Variants in TENM4 observed in about 807,000 individuals in gnomAD.
TENM4 encodes teneurin transmembrane protein 4, also known as teneurin-4.
TENM4 carries 82 observed loss-of-function variants against 243.3 expected under a neutral mutation model. The observed-to-expected ratio is 0.34, with a 90% CI of 0.28 to 0.40. TENM4 has a LOEUF of 0.40. Ranked by LOEUF, TENM4 falls within the 10% of genes least tolerant of loss-of-function variation. The pLI is 1.00. For synonymous variants in TENM4, 1,412 were observed against 1,456.3 expected (o/e 0.97, Z 0.69); for missense variants, 3,138 against 3,673.3 (o/e 0.85, Z 3.77).
At chr11:79,247,488 C>T (rs1001141818) in intron 2 of TENM4, among the ~76,000 whole-genome samples, 6 of 150,774 alleles carry the variant, frequency 4.0e-5, no homozygotes, top group Non-Finnish European at 5.9e-5. Flanking sequence ...GACCTGGAGG[C>T]GGGGCCTTCC....
chr11:79,316,217 A>T (rs1163945004), intron 1 of TENM4, among the ~76,000 whole-genome samples: 1 of 151,982 alleles, frequency 6.6e-6, no homozygotes, highest in Non-Finnish European at 1.5e-5. Flanking sequence ...AGAATGAAAG[A>T]TATAAAAACA....
intron 18 of TENM4, among the ~76,000 whole-genome samples, chr11:78,762,912 A>C (rs1040051367): frequency 1.3e-5 from 2 of 152,216 alleles, no homozygotes; most frequent in African/African-American, 4.8e-5. Context: ...AGGGACAGAA[A>C]TGTAATTTTT....
At chr11:78,880,002 G>C (rs1859388383) in intron 9 of TENM4, among the ~76,000 whole-genome samples, 1 of 152,144 alleles carries the variant, frequency 6.6e-6, no homozygotes, top group Admixed American at 6.5e-5. Flanking sequence ...TGGCGGTTTT[G>C]TCGAAAAGCA....
intron 10 of TENM4, among the ~76,000 whole-genome samples, chr11:78,859,387 T>A (rs1858760615): frequency 6.6e-6 from 1 of 152,244 alleles, no homozygotes; most frequent in Non-Finnish European, 1.5e-5. Flanking sequence ...AGATTAGGCC[T>A]CACAAGGCAG....
intron 4 of TENM4, among the ~76,000 whole-genome samples, chr11:79,099,031 C>T (rs558830242): frequency 6.6e-5 from 10 of 152,156 alleles, no homozygotes; most frequent in Admixed American, 3.3e-4. Context: ...AATAAATATA[C>T]GCATTTTTTT....
intron 28 of TENM4, among the ~76,000 whole-genome samples, chr11:78,697,863 T>G (rs1461867638): frequency 6.6e-6 from 1 of 152,170 alleles, no homozygotes; most frequent in African/African-American, 2.4e-5. Flanking sequence ...GAGGCCATTT[T>G]CTCAGCCACC....
At chr11:79,319,868 T>C (rs1856859180) in intron 1 of TENM4, among the ~76,000 whole-genome samples, 1 of 152,136 alleles carries the variant, frequency 6.6e-6, no homozygotes, top group African/African-American at 2.4e-5. Flanking sequence ...TGAAGCTCCA[T>C]CCCTAGTCCC....
Position 79,185,566 on chromosome 11 carries a change from G to A in TENM4, c.-163+30242C>T, listed in dbSNP as rs186454584. The stretch of plus-strand genomic sequence containing the variant: ...GCCATTTGACTCTTGGTGCCAGGAG[G>A]AGACAATCAATGTGGAATTTTCCAC... On this transcript the variant is annotated intron_variant, in intron 3 of 33. Transcript: ENST00000278550. Among the ~76,000 whole-genome samples, 680 of 152,222 alleles carry A rather than the reference G, an allele frequency of 4.5e-3. 4 individuals are homozygous for A. Among genetic ancestry groups the A allele is most frequent in the Non-Finnish European group, 4.0e-3 (269 of 68,016 alleles).
chr11:78,949,767 C>T (rs1049101146), intron 6 of TENM4, among the ~76,000 whole-genome samples: 11 of 152,138 alleles, frequency 7.2e-5, no homozygotes, highest in Admixed American at 1.3e-4. Flanking sequence ...AAAGGAACAG[C>T]TGGGAAAAAC....
intron 1 of TENM4, among the ~76,000 whole-genome samples, chr11:79,358,917 T>C (rs914794544): frequency 1.3e-5 from 2 of 151,402 alleles, no homozygotes; most frequent in African/African-American, 4.9e-5. Flanking sequence ...TTTTTTATTA[T>C]ATTTTTGCAA....
At chr11:78,719,837 T>C (rs1363806928) in intron 25 of TENM4, among the ~76,000 whole-genome samples, 1 of 152,196 alleles carries the variant, frequency 6.6e-6, no homozygotes, top group African/African-American at 2.4e-5. Context: ...AAAGTTCCTA[T>C]TTGGGGATTG....
chr11:79,263,121 C>T (rs991473070), intron 2 of TENM4, among the ~76,000 whole-genome samples: 1 of 152,190 alleles, frequency 6.6e-6, no homozygotes, highest in Non-Finnish European at 1.5e-5. Flanking sequence ...CTATCAGGAA[C>T]CCAATGCATG....
chr11:79,084,142 G>T (rs1475211817), intron 4 of TENM4, among the ~76,000 whole-genome samples: 1 of 152,164 alleles, frequency 6.6e-6, no homozygotes, highest in Admixed American at 6.5e-5. Context: ...AGCCATCAGA[G>T]AAATTCAAAT....
At chr11:78,817,813 G>A (rs1857640712) in intron 12 of TENM4, among the ~76,000 whole-genome samples, 1 of 152,172 alleles carries the variant, frequency 6.6e-6, no homozygotes, top group Admixed American at 6.5e-5. Context: ...CCTTGGCCAT[G>A]TCACATGATC....
rs916943736 is a variant in TENM4, at chr11:78,656,910, T to C, written c.*1148A>G. 2 of 397,646 alleles carry C rather than the reference T, an allele frequency of 5.0e-6. No individual in the cohort carries two copies. The highest frequency in any genetic ancestry group is 8.9e-6 in the Non-Finnish European group (2 of 225,980). The allele number at this position is 397,646 out of a possible 1,614,324, so 24.6% of individuals were successfully genotyped here. A position where few individuals can be genotyped will look rare whatever the true frequency, so the allele number is the denominator to read the frequency against. ...AGGATGCTTAGCTTATGCCTTCCTC[T>C]CTTTGGCTGGCTTTTTTTGTTAAGC... On this transcript the variant is annotated 3_prime_UTR_variant, in exon 34 of 34. Coordinates refer to ENST00000278550, the MANE Select transcript of TENM4 (RefSeq NM_001098816.3).
intron 1 of TENM4, among the ~76,000 whole-genome samples, chr11:79,351,198 C>T (rs1283855732): frequency 6.6e-6 from 1 of 152,178 alleles, no homozygotes; most frequent in Non-Finnish European, 1.5e-5. Flanking sequence ...TTGCAATAGA[C>T]ATGCCTTCCT....
intron 12 of TENM4, among the ~76,000 whole-genome samples, chr11:78,853,108 C>A (rs1858582380): frequency 6.6e-6 from 1 of 152,026 alleles, no homozygotes; most frequent in East Asian, 1.9e-4. Context: ...GATTCCTAGC[C>A]AACGACTGAG....
chr11:78,937,504 A>T (rs1349626858), intron 6 of TENM4, among the ~76,000 whole-genome samples: 1 of 152,114 alleles, frequency 6.6e-6, no homozygotes, highest in Non-Finnish European at 1.5e-5. Context: ...CCACCTTAAC[A>T]TTTCCCAAAT....
chr11:79,425,616 C>T (rs1321907893), intron 1 of TENM4, among the ~76,000 whole-genome samples: 1 of 152,232 alleles, frequency 6.6e-6, no homozygotes. Flanking sequence ...CATAACAAGA[C>T]TGTTGGCAGT....
Sources: allele counts gnomAD v4.1 joint callset (sites outside exome capture counted in the v4.1 genomes callset), GRCh38; gene constraint gnomAD v4.1.1; transcripts MANE v1.5; gene names NCBI Gene and HGNC (gene_info 2026-07-23, HGNC 2026-07-21).